The following EYA3 variants were observed in gnomAD, a reference collection of about 807,000 sequenced individuals.
The protein encoded by EYA3 is protein phosphatase EYA3.
Under a neutral mutation model 80.0 loss-of-function variants are expected in EYA3, and 39 were observed. That is an observed-to-expected ratio of 0.49 (90% CI 0.38 to 0.64). The LOEUF (loss-of-function observed/expected upper bound fraction) is 0.64. EYA3 is among the 30% of genes least tolerant of loss of function. EYA3 has a pLI of 0.00. For missense variants in EYA3, 523 were observed against 676.1 expected, an observed-to-expected ratio of 0.77 and a Z score of 2.51; for synonymous variants, 206 against 232.8, an observed-to-expected ratio of 0.88 and a Z score of 1.05.
At chr1:28,003,686 G>A (rs1308746497) in intron 11 of EYA3, among the ~76,000 whole-genome samples, 1 of 152,100 alleles carries the variant, frequency 6.6e-6, no homozygotes, top group Non-Finnish European at 1.5e-5. Flanking sequence ...GAGACTACAG[G>A]TGCATGCCAC....
rs539291281 is a variant in EYA3 at position 28,026,778 on chromosome 1, G to C, written c.499+1011C>G. 1.7e-4 allele frequency among the ~76,000 whole-genome samples: 26 copies of C among 151,490 alleles called. No homozygotes were observed. In the South Asian group the frequency reaches 5.0e-3, roughly 29 times the overall value. ...AAGGGGAGAAAAAAAAAAAAGAAGA[G>C]GAAACAAGTGAAGAAAAGAGGAGAC... On this transcript the variant is annotated intron_variant, in intron 7 of 17. Coordinates refer to ENST00000373871, the MANE Select transcript of EYA3 (RefSeq NM_001990.4).
At chr1:27,995,515 T>C (rs1040923092) in intron 13 of EYA3, among the ~76,000 whole-genome samples, 12 of 151,254 alleles carry the variant, frequency 7.9e-5, no homozygotes, top group Middle Eastern at 3.5e-3. Flanking sequence ...GGTGGGTAGA[T>C]TGCTTAAGCT....
chr1:27,984,824 T>C (rs1007174559), intron 16 of EYA3, among the ~76,000 whole-genome samples: 1 of 152,198 alleles, frequency 6.6e-6, no homozygotes, highest in African/African-American at 2.4e-5. Flanking sequence ...TTTCTGTTCC[T>C]CTCCAAACAA....
intron 7 of EYA3, among the ~76,000 whole-genome samples, chr1:28,019,144 C>A (rs1050789305): frequency 3.3e-5 from 5 of 151,790 alleles, no homozygotes; most frequent in Non-Finnish European, 7.4e-5. Flanking sequence ...CCAGCCTGGG[C>A]GACAGAGTGA....
intron 17 of EYA3, among the ~76,000 whole-genome samples, chr1:27,976,517 T>G (rs78266202): frequency 0.035 from 5,247 of 151,992 alleles, 113 homozygotes; most frequent in Middle Eastern, 0.093. Context: ...GTAGAGAAAT[T>G]TTTGCTCAGT....
At chr1:28,079,031 G>A (rs1436122608) in intron 1 of EYA3, among the ~76,000 whole-genome samples, 4 of 152,178 alleles carry the variant, frequency 2.6e-5, no homozygotes, top group South Asian at 2.1e-4. Flanking sequence ...GAGAACATAC[G>A]AGAAGATGGC....
At chr1:28,052,495 C>T (rs1571903757) in intron 2 of EYA3, among the ~76,000 whole-genome samples, 1 of 152,106 alleles carries the variant, frequency 6.6e-6, no homozygotes. Context: ...AAAAGTGCCA[C>T]GATGATTCAA....
Position 27,997,371 on chromosome 1 carries a change from T to C in EYA3, c.1091A>G (p.Asp364Gly), listed in dbSNP as rs1384064287. 6.2e-7 allele frequency: 1 copy of C among 1,614,068 alleles called. No individual in the cohort carries two copies. The highest frequency in any genetic ancestry group is 2.2e-5 in the East Asian group (1 of 44,882). The change falls in exon 13 of 18, where the codon GAC (aspartate) becomes GGC (glycine). Residue 364 changes from aspartate (D) to glycine (G), a missense_variant. By Grantham distance (94) the Asp-to-Gly change is moderately conservative. Transcript: ENST00000373871. Reference sequence around the variant, plus strand: ...AGCCACATCTTCCACATGTACCTGGTCACACTCCTGTTAAAAGACAAAACA... The same window carrying C: ...AGCCACATCTTCCACATGTACCTGGCCACACTCCTGTTAAAAGACAAAACA... ...HLFFNDLEEC[D>G]QVHVEDVASD...
chr1:27,997,807 T>C (rs901854074), intron 12 of EYA3, among the ~76,000 whole-genome samples: 2 of 152,174 alleles, frequency 1.3e-5, no homozygotes, highest in African/African-American at 4.8e-5. Flanking sequence ...CCAATAAATT[T>C]TTATAGACAA....
At chr1:28,033,177 A>C (rs1643244737) in intron 6 of EYA3, among the ~76,000 whole-genome samples, 1 of 152,228 alleles carries the variant, frequency 6.6e-6, no homozygotes, top group Non-Finnish European at 1.5e-5. Flanking sequence ...GGCAGCACTA[A>C]GATGACACAA....
rs1415225104 is a variant in EYA3 at position 28,013,239 on chromosome 1, C to A, written c.641G>T (p.Ser214Ile). Residue 214 changes from serine to isoleucine, a missense_variant, in exon 9 of 18, where the codon AGC (serine) becomes ATC (isoleucine). Ser to Ile is a moderately radical substitution (Grantham distance 142). This residue lies in a region of EYA3 where 304 missense variants were observed against 343.3 expected (regional missense o/e 0.89). Transcript: ENST00000373871. This position sits in a 1 kb window ranked among gnomAD's most constrained non-coding sequence, Gnocchi z 4.0. ...GQNQYQACYPSSSFGVTGQTN... is the reference protein window; with the variant it reads ...GQNQYQACYPISSFGVTGQTN... Reference sequence around the variant, plus strand: ...CTGACCTGTGACTCCAAAGCTGGAGCTGGGGTAGCAGGCCTGGTACTGATT... The same window carrying A: ...CTGACCTGTGACTCCAAAGCTGGAGATGGGGTAGCAGGCCTGGTACTGATT... The A allele has an allele frequency of 1.2e-6, 2 of 1,614,104 alleles. No individual in the cohort carries two copies. The highest frequency in any genetic ancestry group is 1.1e-5 in the South Asian group (1 of 91,080).
chr1:28,058,812 A>G (rs1018112279), intron 1 of EYA3, among the ~76,000 whole-genome samples: 3 of 152,230 alleles, frequency 2.0e-5, no homozygotes, highest in African/African-American at 7.2e-5. Context: ...CAAACAAAAA[A>G]GGAAAAATGG....
chr1:27,975,076 T>C (rs1329598210), intron 17 of EYA3, among the ~76,000 whole-genome samples: 1 of 152,232 alleles, frequency 6.6e-6, no homozygotes, highest in African/African-American at 2.4e-5. Context: ...AAATCTTATC[T>C]ATGTCCAAGA....
chr1:28,032,576 GCA>G (rs1491105791), intron 6 of EYA3, among the ~76,000 whole-genome samples: 180 of 152,144 alleles, frequency 1.2e-3, no homozygotes, highest in South Asian at 2.9e-3. Context: ...CAGAACAGTG[GCA>G]CCTAAAGGCA....
At chr1:28,077,604 TTC>T (rs71804659) in intron 1 of EYA3, among the ~76,000 whole-genome samples, 6,865 of 152,202 alleles carry the variant, frequency 0.045, 210 homozygotes, top group Non-Finnish European at 0.067. Context: ...GCATAAGAAT[TTC>T]TCTGTTTGTA....
intron 1 of EYA3, among the ~76,000 whole-genome samples, chr1:28,076,633 A>C (rs930186526): frequency 1.4e-5 from 2 of 145,220 alleles, no homozygotes; most frequent in Non-Finnish European, 3.0e-5. Flanking sequence ...GCACCACTGC[A>C]CTCCAGCCTG....
At chr1:27,988,313 A>G (rs1190845238) in intron 16 of EYA3, among the ~76,000 whole-genome samples, 1 of 152,218 alleles carries the variant, frequency 6.6e-6, no homozygotes, top group East Asian at 1.9e-4. Context: ...TTCAAATATT[A>G]TCAAAGAGCA....
chr1:27,991,039 C>G (rs1290210471), intron 14 of EYA3, among the ~76,000 whole-genome samples: 1 of 152,058 alleles, frequency 6.6e-6, no homozygotes, highest in East Asian at 1.9e-4. Flanking sequence ...GATTCTGGTG[C>G]AAGCTCCTTC....
chr1:28,014,325 C>G (rs1422138759), intron 8 of EYA3, among the ~76,000 whole-genome samples: 2 of 143,038 alleles, frequency 1.4e-5, no homozygotes, highest in African/African-American at 5.2e-5. Context: ...ATTCGGGAAG[C>G]TGAGATGGGA....
Sources: gnomAD v4.1 joint callset for allele counts (sites outside exome capture counted in the v4.1 genomes callset) on GRCh38, gnomAD v4.1.1 for gene constraint, gnomAD v4.1.1 regional missense constraint, Gnocchi (gnomAD v3.1) non-coding constraint, MANE v1.5 for transcripts, NCBI Gene and HGNC (gene_info 2026-07-23, HGNC 2026-07-21) for gene names.